SMAD6: variants seen among roughly 807,000 people sequenced by gnomAD.
The protein encoded by SMAD6 is MAD homolog 6.
A neutral mutation model predicts 39.4 loss-of-function variants in SMAD6; 103 were observed. That is an observed-to-expected ratio of 2.62 (90% CI 2.23 to 3.08). SMAD6 has a LOEUF of 3.08. SMAD6 is among the 30% of genes most tolerant of loss of function. SMAD6 has a pLI of 0.00. For synonymous variants in SMAD6, 445 were observed against 353.3 expected, an observed-to-expected ratio of 1.26 and a Z score of -2.91; for missense variants, 1,104 against 742.9, an observed-to-expected ratio of 1.49 and a Z score of -5.65.
chr15:66,704,091 C>T lies in SMAD6; in HGVS notation c.817+16C>T, dbSNP rs759173350. The T allele has an allele frequency of 2.4e-5, 34 of 1,440,314 alleles. No individual in the cohort carries two copies. The highest frequency in any genetic ancestry group is 4.1e-5 in the South Asian group (3 of 72,326). 89.2% of individuals were successfully genotyped at this position (1,440,314 alleles called of 1,614,324 possible). On this transcript the variant is annotated intron_variant, in intron 1 of 3. Transcript: ENST00000288840. ...TGCGGGCCCGGTGAGCGCGCTGCGC[C>T]GGCCGGGGGGGCCCCGGGTCCCCGT...
intron 3 of SMAD6, among the ~76,000 whole-genome samples, chr15:66,730,926 C>G (rs987816060): frequency 6.6e-6 from 1 of 152,150 alleles, no homozygotes; most frequent in Non-Finnish European, 1.5e-5. Context: ...TTTTCTGGGC[C>G]AGAATGGTTG....
chr15:66,776,784 G>T (rs1372600256), intron 3 of SMAD6, among the ~76,000 whole-genome samples: 1 of 152,216 alleles, frequency 6.6e-6, no homozygotes, highest in Non-Finnish European at 1.5e-5. Flanking sequence ...ATAAAGCGGT[G>T]GTAGTCTGGG....
At chr15:66,709,155 C>T (rs1440995154) in intron 1 of SMAD6, among the ~76,000 whole-genome samples, 1 of 152,214 alleles carries the variant, frequency 6.6e-6, no homozygotes, top group Non-Finnish European at 1.5e-5. Context: ...CTAAAGCCTT[C>T]ATACTTTTTT....
At chr15:66,774,426 A>T (rs1346143510) in intron 3 of SMAD6, among the ~76,000 whole-genome samples, 3 of 152,162 alleles carry the variant, frequency 2.0e-5, no homozygotes, top group Non-Finnish European at 2.9e-5. Context: ...TAGAGAAAAG[A>T]ATGCCAGCCA....
chr15:66,766,170 G>T (rs1894284431), intron 3 of SMAD6, among the ~76,000 whole-genome samples: 1 of 152,212 alleles, frequency 6.6e-6, no homozygotes, highest in Admixed American at 6.5e-5. Flanking sequence ...AGCCTGCAGG[G>T]CCATTTGTGC....
intron 3 of SMAD6, among the ~76,000 whole-genome samples, chr15:66,741,796 T>G (rs1369566514): frequency 6.6e-6 from 1 of 152,218 alleles, no homozygotes; most frequent in Non-Finnish European, 1.5e-5. Flanking sequence ...CTCACTCAAA[T>G]GCCCCGAGAG....
At chr15:66,751,944 C>T (rs1284100930) in intron 3 of SMAD6, among the ~76,000 whole-genome samples, 1 of 152,076 alleles carries the variant, frequency 6.6e-6, no homozygotes, top group Non-Finnish European at 1.5e-5. Context: ...GCCAGCCTGC[C>T]TTTCCTCCTA....
chr15:66,731,430 T>C, intron 3 of SMAD6, among the ~76,000 whole-genome samples: 2 of 100,840 alleles, frequency 2.0e-5, no homozygotes, highest in Admixed American at 1.1e-4. Flanking sequence ...AGAGCGAGAC[T>C]CCGTCTCAAA....
chr15:66,711,044 A>C (rs1219405601), intron 1 of SMAD6, among the ~76,000 whole-genome samples: 1 of 152,228 alleles, frequency 6.6e-6, no homozygotes, highest in Admixed American at 6.5e-5. Flanking sequence ...CTTTGCACTC[A>C]CACTAGGCTT....
intron 3 of SMAD6, among the ~76,000 whole-genome samples, chr15:66,730,730 A>G (rs1893612366): frequency 6.6e-6 from 1 of 152,228 alleles, no homozygotes; most frequent in Non-Finnish European, 1.5e-5. Flanking sequence ...TTGTTCCTTA[A>G]GCTTATTTAG....
chr15:66,722,773 G>T (rs1193627021), intron 3 of SMAD6, among the ~76,000 whole-genome samples: 1 of 152,148 alleles, frequency 6.6e-6, no homozygotes, highest in Non-Finnish European at 1.5e-5. Context: ...AGGTGTGAGG[G>T]GGGGTCGGCA....
At chr15:66,715,469 A>G (rs1031257433) in intron 2 of SMAD6, among the ~76,000 whole-genome samples, 212 of 152,302 alleles carry the variant, frequency 1.4e-3, no homozygotes, top group Middle Eastern at 3.4e-3. Context: ...GGCTGGGGCC[A>G]GGTGGAGCCA....
At position 66,729,908 on chromosome 15, in the gene SMAD6, G is replaced by C. The variant is rs576929242; in HGVS notation, c.952+13410G>C. On this transcript the variant is annotated intron_variant, in intron 3 of 3. Coordinates refer to ENST00000288840, the MANE Select transcript of SMAD6 (RefSeq NM_005585.5). Reference sequence around the variant, plus strand: ...CTGCTCCAGACGAGGGCCTGGGCCCGCAGAAGGGGCGGGGAGGGGGTGGGC... The same window carrying C: ...CTGCTCCAGACGAGGGCCTGGGCCCCCAGAAGGGGCGGGGAGGGGGTGGGC... Among the ~76,000 whole-genome samples the C allele has an allele frequency of 2.9e-3, 448 of 152,292 alleles. 2 individuals carry two copies. Among genetic ancestry groups the C allele is most frequent in the African/African-American group, 0.01 (429 of 41,558 alleles).
rs1032745719 is a variant in SMAD6 at position 66,722,810 on chromosome 15, C to T, written c.952+6312C>T. 2.6e-5 allele frequency among the ~76,000 whole-genome samples: 4 copies of T among 151,986 alleles called. No homozygotes were observed. In the South Asian group the frequency reaches 8.3e-4, roughly 32 times the overall value. The stretch of plus-strand genomic sequence containing the variant: ...GAGTGATGGGGGTGACTAGAGCAGT[C>T]CTGGGGGAACAGACAGCTGAAGGAG... On this transcript the variant is annotated intron_variant, in intron 3 of 3. Transcript: ENST00000288840.
At chr15:66,709,081 T>C (rs1169446709) in intron 1 of SMAD6, among the ~76,000 whole-genome samples, 1 of 152,124 alleles carries the variant, frequency 6.6e-6, no homozygotes, top group Non-Finnish European at 1.5e-5. Flanking sequence ...AGGAATTGAG[T>C]TGGGTGAACC....
Position 66,778,274 on chromosome 15 carries a change from G to A in SMAD6, c.953-2723G>A, listed in dbSNP as rs140832833. Among the ~76,000 whole-genome samples, 560 of 152,202 alleles carry A rather than the reference G, an allele frequency of 3.7e-3. 2 individuals are homozygous for A. The highest frequency in any genetic ancestry group is 0.013 in the African/African-American group (527 of 41,526). On this transcript the variant is annotated intron_variant, in intron 3 of 3. Coordinates refer to ENST00000288840, the MANE Select transcript of SMAD6 (RefSeq NM_005585.5). ...TTTTAAAAGTTTTTTTAGAGATGAG[G>A]TCTTGCTTTGTTGCCCATGCTGGGC...
chr15:66,753,242 G>A (rs564353136), intron 3 of SMAD6, among the ~76,000 whole-genome samples: 1 of 152,324 alleles, frequency 6.6e-6, no homozygotes, highest in South Asian at 2.1e-4. Flanking sequence ...GATCTGGGAT[G>A]TGGGAAAGGT....
chr15:66,762,215 G>A (rs1467053378), intron 3 of SMAD6, among the ~76,000 whole-genome samples: 1 of 152,208 alleles, frequency 6.6e-6, no homozygotes, highest in Admixed American at 6.5e-5. Flanking sequence ...GATTTCCTTG[G>A]ACTCCCCCGT....
At chr15:66,750,531 C>T (rs2140646780) in intron 3 of SMAD6, among the ~76,000 whole-genome samples, 1 of 152,296 alleles carries the variant, frequency 6.6e-6, no homozygotes, top group South Asian at 2.1e-4. Context: ...TTTTGAGGGA[C>T]TTGGACTTGG....
Sources: allele counts gnomAD v4.1 joint callset (sites outside exome capture counted in the v4.1 genomes callset), GRCh38; gene constraint gnomAD v4.1.1; transcripts MANE v1.5; gene names NCBI Gene and HGNC (gene_info 2026-07-23, HGNC 2026-07-21).